The following UNC5B variants were observed in gnomAD, a reference collection of about 807,000 sequenced individuals.
UNC5B encodes unc-5 netrin receptor B.
Under a neutral mutation model 103.7 loss-of-function variants are expected in UNC5B, and 56 were observed. The ratio of observed to expected loss-of-function variants is 0.54; its 90% CI spans 0.44 to 0.67. UNC5B has a LOEUF of 0.67. Ranked by LOEUF, UNC5B falls within the 30% of genes least tolerant of loss-of-function variation. The pLI, the probability that UNC5B is intolerant of heterozygous loss-of-function variation, is 0.00. For synonymous variants in UNC5B, 577 were observed against 542.0 expected, an observed-to-expected ratio of 1.06 and a Z score of -0.90; for missense variants, 1,194 against 1,284.5, an observed-to-expected ratio of 0.93 and a Z score of 1.08.
At chr10:71,235,232 G>C (rs1843753472) in intron 1 of UNC5B, among the ~76,000 whole-genome samples, 1 of 152,316 alleles carries the variant, frequency 6.6e-6, no homozygotes, top group South Asian at 2.1e-4. Context: ...CTCGCTAGGG[G>C]AGCCACCAGG....
At chr10:71,268,827 G>A (rs971980727) in intron 1 of UNC5B, among the ~76,000 whole-genome samples, 1 of 152,188 alleles carries the variant, frequency 6.6e-6, no homozygotes, top group African/African-American at 2.4e-5. Flanking sequence ...AGGCATTTTG[G>A]ACTTTTCTGG....
chr10:71,285,771 C>A (rs1262324054), intron 4 of UNC5B, among the ~76,000 whole-genome samples: 3 of 152,156 alleles, frequency 2.0e-5, no homozygotes, highest in Middle Eastern at 3.2e-3. Flanking sequence ...GCGAAAGGAT[C>A]CCATCATGCG....
At position 71,298,062 on chromosome 10, in the gene UNC5B, A is replaced by G. The variant is rs1214328330; in HGVS notation, c.2644A>G (p.Met882Val). 1 of 1,612,586 alleles carries G rather than the reference A, an allele frequency of 6.2e-7. No homozygotes were observed. The highest frequency in any genetic ancestry group is 1.7e-5 in the Admixed American group (1 of 59,870). ...CAACTCACGGGGCAATGACTGGCGG[A>G]TGTTAGCACAGAAGCTCTCTATGGA... The part of the protein sequence containing the change: ...APNSRGNDWR[M>V]LAQKLSMDRY... The change falls in exon 16 of 17, where the codon ATG becomes GTG. Residue 882 changes from methionine (M) to valine (V), a missense_variant. By Grantham distance (21) the Met-to-Val change is conservative (BLOSUM62 1). Coordinates refer to ENST00000335350, the MANE Select transcript of UNC5B (RefSeq NM_170744.5).
At chr10:71,255,608 A>G (rs1221723085) in intron 1 of UNC5B, among the ~76,000 whole-genome samples, 5 of 152,238 alleles carry the variant, frequency 3.3e-5, no homozygotes, top group Non-Finnish European at 7.3e-5. Flanking sequence ...AGCGCCATCC[A>G]TCCCCAGTCA....
chr10:71,257,556 C>A (rs1320351396), intron 1 of UNC5B, among the ~76,000 whole-genome samples: 1 of 152,190 alleles, frequency 6.6e-6, no homozygotes, highest in Non-Finnish European at 1.5e-5. Context: ...TGAGCTTCCT[C>A]CTGCATGCCA....
In UNC5B at chr10:71,213,724, G is replaced by GGA. The variant is rs1436996624; in HGVS notation, c.79+664_79+665dup. Among the ~76,000 whole-genome samples the GGA allele has an allele frequency of 8.9e-5, 8 of 89,570 alleles. No individual in the cohort carries two copies. Among genetic ancestry groups the GGA allele is most frequent in the African/African-American group, 1.8e-4 (4 of 22,074 alleles). The allele number at this position is 89,570 out of a possible 152,430, so 58.8% of individuals were successfully genotyped here. ...TATTATTATTAATTTTCTGAGTGTTGGAGAGTGTGTGTGTGTGTGTGTGTG... is the reference window on the plus strand; with the variant it reads ...TATTATTATTAATTTTCTGAGTGTTGGAGAGAGTGTGTGTGTGTGTGTGTGTG... On this transcript the variant is annotated intron_variant, in intron 1 of 16. Coordinates refer to ENST00000335350, the MANE Select transcript of UNC5B (RefSeq NM_170744.5). This position sits in a 1 kb window ranked among gnomAD's most constrained non-coding sequence, Gnocchi z 4.1.
At chr10:71,246,099 A>T (rs1844026926) in intron 1 of UNC5B, among the ~76,000 whole-genome samples, 1 of 151,948 alleles carries the variant, frequency 6.6e-6, no homozygotes, top group Non-Finnish European at 1.5e-5. Flanking sequence ...CTTAGCTGGG[A>T]AACAAGACTC....
At chr10:71,224,130 C>A (rs533450673) in intron 1 of UNC5B, among the ~76,000 whole-genome samples, 5 of 152,220 alleles carry the variant, frequency 3.3e-5, no homozygotes, top group Non-Finnish European at 7.3e-5. Flanking sequence ...TCCTCCCTGG[C>A]AGCCCAGGAA....
intron 16 of UNC5B, among the ~76,000 whole-genome samples, chr10:71,298,840 A>G (rs1845513607): frequency 6.6e-6 from 1 of 152,200 alleles, no homozygotes; most frequent in Non-Finnish European, 1.5e-5. Context: ...GCTAGAGACA[A>G]CGCTAGACCC....
In UNC5B at chr10:71,279,738, G is replaced by T. The variant is rs1844867451; in HGVS notation, c.80-83G>T. On this transcript the variant is annotated intron_variant, in intron 1 of 16. Coordinates refer to ENST00000335350, the MANE Select transcript of UNC5B (RefSeq NM_170744.5). ...TCTGCCTCCCCTGTCCTCTTCGTCT[G>T]CGGTGGGCCCCCGGGGTGGGCGAGG... 3.4e-6 allele frequency: 5 copies of T among 1,450,178 alleles called. No homozygotes were observed. In the South Asian group the frequency reaches 6.5e-5, roughly 19 times the overall value. 89.8% of individuals were successfully genotyped at this position (1,450,178 alleles called of 1,614,324 possible). A position where few individuals can be genotyped will look rare whatever the true frequency, so the allele number is the denominator to read the frequency against.
intron 1 of UNC5B, among the ~76,000 whole-genome samples, chr10:71,240,965 A>G (rs1843885729): frequency 6.6e-6 from 1 of 152,214 alleles, no homozygotes; most frequent in African/African-American, 2.4e-5. Flanking sequence ...TGCGAATCCA[A>G]GATTCTATAA....
At chr10:71,262,314 T>G (rs1589174473) in intron 1 of UNC5B, among the ~76,000 whole-genome samples, 6 of 129,832 alleles carry the variant, frequency 4.6e-5, no homozygotes, top group East Asian at 2.3e-4. Flanking sequence ...CGGGCTGGAG[T>G]GGGTTGGGGG....
rs115362951 is a variant in UNC5B, at chr10:71,286,386, C to T, written c.553-303C>T. 3.5e-3 allele frequency among the ~76,000 whole-genome samples: 527 copies of T among 152,332 alleles called. 8 individuals are homozygous for T. The highest frequency in any genetic ancestry group is 0.012 in the African/African-American group (508 of 41,576). ...CTCAACTTCCTCTGAGCATTGTTCT[C>T]GGCACCTTACACATGCTAACTCATG... On this transcript the variant is annotated intron_variant, in intron 4 of 16. Coordinates refer to ENST00000335350, the MANE Select transcript of UNC5B (RefSeq NM_170744.5).
At chr10:71,229,659 TG>T (rs1843643939) in intron 1 of UNC5B, among the ~76,000 whole-genome samples, 1 of 152,202 alleles carries the variant, frequency 6.6e-6, no homozygotes. Context: ...AGAAATTCCC[TG>T]GGACCTTGGG....
chr10:71,274,780 C>T (rs1589184918), intron 1 of UNC5B, among the ~76,000 whole-genome samples: 1 of 152,206 alleles, frequency 6.6e-6, no homozygotes, highest in East Asian at 1.9e-4. Flanking sequence ...AACAGTGTTT[C>T]CTCCTCCTCC....
Position 71,213,434 on chromosome 10 carries a change from C to G in UNC5B, c.79+370C>G, listed in dbSNP as rs1368302764. Among the ~76,000 whole-genome samples, 1 of 152,132 alleles carries G rather than the reference C, an allele frequency of 6.6e-6. No homozygotes were observed. The highest frequency in any genetic ancestry group is 1.9e-4 in the East Asian group (1 of 5,156). On this transcript the variant is annotated intron_variant, in intron 1 of 16. Coordinates refer to ENST00000335350, the MANE Select transcript of UNC5B (RefSeq NM_170744.5). The surrounding 1 kb of genome is among the most constrained non-coding windows in gnomAD (Gnocchi z 4.1). ...CGAAAAAGAACATTGGCTACATAAG[C>G]AAGGTGTGCGCTCGCTGCCGTACGC...
intron 1 of UNC5B, among the ~76,000 whole-genome samples, chr10:71,275,943 A>G (rs760932422): frequency 6.6e-6 from 1 of 152,118 alleles, no homozygotes; most frequent in Non-Finnish European, 1.5e-5. Context: ...GTAACCCATG[A>G]CAAACAGTAA....
At chr10:71,215,809 GTGTGTGT>G (rs1843317947) in intron 1 of UNC5B, among the ~76,000 whole-genome samples, 1 of 5,606 alleles carries the variant, frequency 1.8e-4, no homozygotes, top group Non-Finnish European at 4.6e-4. Flanking sequence ...TCTGCTTGGT[GTGTGTGT>G]GTGTGTGTGT....
chr10:71,245,993 G>A (rs7076430), intron 1 of UNC5B, among the ~76,000 whole-genome samples: 49,052 of 152,118 alleles, frequency 0.32, 9,018 homozygotes, highest in East Asian at 0.44. Flanking sequence ...GTATCTGAGC[G>A]AGGGTGTGCG....
Sources: gnomAD v4.1 joint callset for allele counts (sites outside exome capture counted in the v4.1 genomes callset) on GRCh38, gnomAD v4.1.1 for gene constraint, Gnocchi (gnomAD v3.1) non-coding constraint, MANE v1.5 for transcripts, NCBI Gene and HGNC (gene_info 2026-07-23, HGNC 2026-07-21) for gene names.